Variants in PCLO observed in about 807,000 individuals in gnomAD.
PCLO encodes piccolo presynaptic cytomatrix protein, also known as protein piccolo.
Under a neutral mutation model 427.5 loss-of-function variants are expected in PCLO, and 82 were observed. The ratio of observed to expected loss-of-function variants is 0.19; its 90% CI spans 0.16 to 0.23. PCLO has a LOEUF of 0.23. Among genes scored for constraint, PCLO ranks in the 10% least tolerant of loss-of-function variants. PCLO has a pLI of 1.00. For synonymous variants in PCLO, 2,357 were observed against 2,155.4 expected (o/e 1.09, Z -2.59); for missense variants, 6,239 against 6,115.9 (o/e 1.02, Z -0.67).
chr7:82,775,317 GT>G (rs1374061910), intron 22 of PCLO, among the ~76,000 whole-genome samples: 1 of 152,134 alleles, frequency 6.6e-6, no homozygotes, highest in Non-Finnish European at 1.5e-5. Context: ...TCGCCAAACT[GT>G]TTTCCAAAGT....
chr7:82,774,697 C>T (rs1013838319), intron 22 of PCLO, among the ~76,000 whole-genome samples: 1 of 152,154 alleles, frequency 6.6e-6, no homozygotes, highest in Admixed American at 6.5e-5. Context: ...AAACACTTTC[C>T]ACCAGGGTAG....
At chr7:82,951,559 C>T in intron 5 of PCLO, 69 bp from the exon 6 acceptor site, 1 of 1,098,342 alleles carries the variant, frequency 9.1e-7, no homozygotes, top group Non-Finnish European at 1.3e-6. Flanking sequence ...TGAAAACCCT[C>T]TCATCTTGAT....
chr7:82,922,158 C>A (rs1794610676), intron 6 of PCLO, among the ~76,000 whole-genome samples: 1 of 151,898 alleles, frequency 6.6e-6, no homozygotes, highest in African/African-American at 2.4e-5. Flanking sequence ...TTAGTTCAGC[C>A]ACTGTGGAAA....
chr7:82,943,966 T>G (rs894291986), intron 6 of PCLO, among the ~76,000 whole-genome samples: 1 of 151,620 alleles, frequency 6.6e-6, no homozygotes, highest in Non-Finnish European at 1.5e-5. Flanking sequence ...GTGACCAGCC[T>G]GGCCAACATC....
At chr7:83,029,415 C>T (rs1583929148) in intron 3 of PCLO, among the ~76,000 whole-genome samples, 2 of 145,854 alleles carry the variant, frequency 1.4e-5, no homozygotes, top group Non-Finnish European at 3.0e-5. Context: ...AATGAGATAC[C>T]ATCTCACACC....
intron 3 of PCLO, among the ~76,000 whole-genome samples, chr7:83,032,417 C>T (rs1402143442): frequency 1.4e-5 from 2 of 147,234 alleles, no homozygotes; most frequent in African/African-American, 4.9e-5. Flanking sequence ...TCCCTCCTTC[C>T]CTTCCTTCCC....
At chr7:83,093,223 C>T in intron 3 of PCLO, among the ~76,000 whole-genome samples, 1 of 151,320 alleles carries the variant, frequency 6.6e-6, no homozygotes, top group Admixed American at 6.6e-5. Context: ...CAAAATGTTT[C>T]CATATTCAAA....
At chr7:82,830,615 C>T (rs916608139) in intron 16 of PCLO, among the ~76,000 whole-genome samples, 2 of 151,964 alleles carry the variant, frequency 1.3e-5, no homozygotes, top group South Asian at 2.1e-4. Flanking sequence ...ACTTACTTAT[C>T]AAGGTGGTGA....
chr7:83,062,365 A>T (rs1789562306), intron 3 of PCLO, among the ~76,000 whole-genome samples: 2 of 152,196 alleles, frequency 1.3e-5, no homozygotes, highest in African/African-American at 4.8e-5. Context: ...TAAAAGGGAA[A>T]TCATATCTAA....
intron 3 of PCLO, among the ~76,000 whole-genome samples, chr7:83,074,205 T>C (rs2116367792): frequency 6.6e-6 from 1 of 152,048 alleles, no homozygotes; most frequent in Admixed American, 6.6e-5. Context: ...CTATTTTTTA[T>C]TACAAGGTTC....
At chr7:83,077,406 C>T (rs1346819275) in intron 3 of PCLO, among the ~76,000 whole-genome samples, 2 of 152,054 alleles carry the variant, frequency 1.3e-5, no homozygotes, top group Non-Finnish European at 2.9e-5. Flanking sequence ...ACCACTCCTT[C>T]CCTGGTCTCG....
chr7:83,139,263 T>C (rs1461979563), intron 2 of PCLO, among the ~76,000 whole-genome samples: 1 of 152,196 alleles, frequency 6.6e-6, no homozygotes, highest in Non-Finnish European at 1.5e-5. Flanking sequence ...AAAAAAAATC[T>C]GATGATATTG....
In PCLO at chr7:82,966,138, T is replaced by C. The variant is rs772158354; in HGVS notation, c.3650A>G (p.Glu1217Gly). The C allele has an allele frequency of 1.2e-6, 2 of 1,605,688 alleles. No individual in the cohort carries two copies. Among genetic ancestry groups the C allele is most frequent in the South Asian group, 1.1e-5 (1 of 88,890 alleles). ...TTCTTCTTCAGGGATTAGTTTTTTT[T>C]CTTCAGGGAGTGGCTTTTTTTCTTG... ...ALQEKKPLPE[E>G]KKLIPEEEKI... The change falls in exon 4 of 25, where the codon GAA (glutamate) becomes GGA (glycine). Residue 1217 changes from glutamate to glycine, a missense_variant. Glu to Gly is a moderately conservative substitution (Grantham distance 98). Around this residue, in one of 5 missense-constraint regions of PCLO, gnomAD observed 4,677 missense variants for 4,468.4 expected, o/e 1.05. Transcript: ENST00000333891.
At chr7:82,805,984 T>C (rs1019302666) in intron 20 of PCLO, among the ~76,000 whole-genome samples, 155 bp from the exon 21 acceptor site, 1 of 152,218 alleles carries the variant, frequency 6.6e-6, no homozygotes, top group Non-Finnish European at 1.5e-5. Flanking sequence ...TTTCCTTTAC[T>C]GATAATGAAT....
At chr7:82,813,218 T>A (rs1328711132) in intron 20 of PCLO, among the ~76,000 whole-genome samples, 1 of 151,738 alleles carries the variant, frequency 6.6e-6, no homozygotes, top group Non-Finnish European at 1.5e-5. Context: ...ATTTGATAAA[T>A]GCACGTCTGG....
At chr7:83,104,039 A>G (rs1790796077) in intron 3 of PCLO, among the ~76,000 whole-genome samples, 1 of 152,022 alleles carries the variant, frequency 6.6e-6, no homozygotes, top group African/African-American at 2.4e-5. Context: ...CACATTGAGA[A>G]CCTCTTGACA....
chr7:82,943,157 C>A (rs1262071168), intron 6 of PCLO, among the ~76,000 whole-genome samples: 1 of 152,106 alleles, frequency 6.6e-6, no homozygotes, highest in East Asian at 1.9e-4. Flanking sequence ...AAACAGCAAT[C>A]AGTGGAGCAA....
rs1450266763 is a variant in PCLO at position 82,951,506 on chromosome 7, G to C, written c.9098-16C>G. The C allele has an allele frequency of 2.7e-6, 4 of 1,500,112 alleles. No homozygotes were observed. The highest frequency in any genetic ancestry group is 3.6e-6 in the Non-Finnish European group (4 of 1,100,996). 92.9% of individuals were successfully genotyped at this position (1,500,112 alleles called of 1,614,324 possible). On this transcript the variant is annotated splice_polypyrimidine_tract_variant and intron_variant, in intron 5 of 24. Transcript: ENST00000333891. Reference sequence around the variant, plus strand: ...ATTACCTCACCTGAAATACAGGGCAGAGTTATAGTCCAGTTCCCAGAATGA... The same window carrying C: ...ATTACCTCACCTGAAATACAGGGCACAGTTATAGTCCAGTTCCCAGAATGA...
At chr7:83,023,946 T>C (rs892899838) in intron 3 of PCLO, among the ~76,000 whole-genome samples, 1 of 152,182 alleles carries the variant, frequency 6.6e-6, no homozygotes, top group Admixed American at 6.5e-5. Flanking sequence ...ACAAAATTGA[T>C]AGAAATGCTG....
Sources: allele counts gnomAD v4.1 joint callset (sites outside exome capture counted in the v4.1 genomes callset), GRCh38; gene constraint gnomAD v4.1.1; regional missense constraint gnomAD v4.1.1; transcripts MANE v1.5; gene names NCBI Gene and HGNC (gene_info 2026-07-23, HGNC 2026-07-21).